Variants in OSBP2 observed in about 807,000 individuals in gnomAD.
OSBP2 encodes the protein oxysterol-binding protein 2.
In OSBP2, 66 loss-of-function variants were observed where a neutral mutation model predicts 96.0. The observed-to-expected ratio is 0.69, with a 90% confidence interval of 0.56 to 0.84. The LOEUF is 0.84. Among genes scored for constraint, OSBP2 ranks in the 40% least tolerant of loss-of-function variants. The pLI is 0.00. For missense variants in OSBP2, 1,038 were observed against 1,222.7 expected, an observed-to-expected ratio of 0.85 and a Z score of 2.25; for synonymous variants, 525 against 520.9, an observed-to-expected ratio of 1.01 and a Z score of -0.11.
At chr22:30,821,153 T>C (rs2038262910) in intron 2 of OSBP2, among the ~76,000 whole-genome samples, 1 of 152,100 alleles carries the variant, frequency 6.6e-6, no homozygotes, top group South Asian at 2.1e-4. Flanking sequence ...AGATGAGACA[T>C]ACATAAGGCA....
intron 2 of OSBP2, among the ~76,000 whole-genome samples, chr22:30,833,070 T>G (rs2038561662): frequency 6.6e-6 from 1 of 152,204 alleles, no homozygotes; most frequent in Admixed American, 6.5e-5. Context: ...TTGAGAAGGA[T>G]TCAGTCACCC....
chr22:30,774,307 C>T (rs2090398959), intron 2 of OSBP2, among the ~76,000 whole-genome samples: 2 of 152,182 alleles, frequency 1.3e-5, no homozygotes, highest in African/African-American at 4.8e-5. Flanking sequence ...GAAAGCCTTG[C>T]CTAGGATCAC....
In OSBP2 at chr22:30,890,334, G is replaced by A. The variant is rs553615217; in HGVS notation, c.1624-394G>A. On this transcript the variant is annotated intron_variant, in intron 7 of 13. Coordinates refer to ENST00000332585, the MANE Select transcript of OSBP2 (RefSeq NM_030758.4). The surrounding 1 kb of genome is among the most constrained non-coding windows in gnomAD (Gnocchi z 4.4). ...CCTGTGCCGGGCCCCATCACAGCTC[G>A]CAACATGGGGAAGACCCACTTCCTC... 6.6e-6 allele frequency among the ~76,000 whole-genome samples: 1 copy of A among 151,738 alleles called. No homozygotes were observed. Among genetic ancestry groups the A allele is most frequent in the Non-Finnish European group, 1.5e-5 (1 of 67,992 alleles).
At chr22:30,855,332 C>G (rs2039059027) in intron 2 of OSBP2, among the ~76,000 whole-genome samples, 1 of 152,176 alleles carries the variant, frequency 6.6e-6, no homozygotes, top group Admixed American at 6.5e-5. Context: ...TTCTCAATCC[C>G]AGAGCCAAAG....
rs923756485 is a variant in OSBP2, at chr22:30,870,086, C to A, written c.854-343C>A. ...ACCTCTCCACCCAGCAGAGCCCATC[C>A]TTCCCTGCACACCACAATGTAGGGA... On this transcript the variant is annotated intron_variant, in intron 2 of 13. Transcript: ENST00000332585. This position sits in a 1 kb window ranked among gnomAD's most constrained non-coding sequence, Gnocchi z 4.1. Among the ~76,000 whole-genome samples the A allele has an allele frequency of 2.6e-5, 4 of 152,220 alleles. No homozygotes were observed. The highest frequency in any genetic ancestry group is 4.8e-5 in the African/African-American group (2 of 41,470).
At chr22:30,818,318 A>G (rs145107291) in intron 2 of OSBP2, among the ~76,000 whole-genome samples, 153 of 151,912 alleles carry the variant, frequency 1.0e-3, no homozygotes, top group African/African-American at 3.5e-3. Flanking sequence ...CCCTGACATT[A>G]TCACTTACAT....
intron 2 of OSBP2, among the ~76,000 whole-genome samples, chr22:30,795,882 T>C (rs1166196500): frequency 6.6e-6 from 1 of 152,270 alleles, no homozygotes; most frequent in African/African-American, 2.4e-5. Context: ...ATTATTTGTA[T>C]AGATTTCCAA....
At chr22:30,796,946 T>C (rs924437129) in intron 2 of OSBP2, among the ~76,000 whole-genome samples, 1 of 152,216 alleles carries the variant, frequency 6.6e-6, no homozygotes, top group Non-Finnish European at 1.5e-5. Flanking sequence ...CCTATCCATC[T>C]CCTGAACTCC....
At chr22:30,865,760 G>T (rs531727273) in intron 2 of OSBP2, among the ~76,000 whole-genome samples, 3 of 152,080 alleles carry the variant, frequency 2.0e-5, no homozygotes. Flanking sequence ...GCCACACACC[G>T]GGTGGTTACC....
At chr22:30,780,176 G>C (rs887656505) in intron 2 of OSBP2, among the ~76,000 whole-genome samples, 11 of 152,240 alleles carry the variant, frequency 7.2e-5, no homozygotes, top group Admixed American at 7.2e-4. Flanking sequence ...CTGTTATTCA[G>C]CATTATTTGA....
At chr22:30,734,447 T>C (rs1569102414) in intron 1 of OSBP2, among the ~76,000 whole-genome samples, 1 of 152,214 alleles carries the variant, frequency 6.6e-6, no homozygotes, top group African/African-American at 2.4e-5. Context: ...CCCAGGTCTA[T>C]AGTGTACTGT....
intron 1 of OSBP2, among the ~76,000 whole-genome samples, chr22:30,700,902 A>G (rs909193960): frequency 2.0e-5 from 3 of 151,778 alleles, no homozygotes; most frequent in African/African-American, 7.3e-5. Context: ...CTTGACTAAC[A>G]TGGTGAAACC....
rs561905697 is a variant in OSBP2 at position 30,906,341 on chromosome 22, C to G, written c.*2C>G. 1.3e-6 allele frequency: 2 copies of G among 1,598,510 alleles called. No homozygotes were observed. Among genetic ancestry groups the G allele is most frequent in the Non-Finnish European group, 1.7e-6 (2 of 1,171,400 alleles). ...CATATGTGCCCCAACATCTTCTGAG[C>G]GCCACCCTTGCAACAAATACAGGCG... On this transcript the variant is annotated 3_prime_UTR_variant, in exon 14 of 14. Coordinates refer to ENST00000332585, the MANE Select transcript of OSBP2 (RefSeq NM_030758.4).
At chr22:30,728,146 C>T (rs1170980483) in intron 1 of OSBP2, among the ~76,000 whole-genome samples, 3 of 151,828 alleles carry the variant, frequency 2.0e-5, no homozygotes, top group East Asian at 1.9e-4. Context: ...CCTGTAATCC[C>T]AGCACTTTGG....
At chr22:30,800,237 A>G (rs2090830584) in intron 2 of OSBP2, among the ~76,000 whole-genome samples, 2 of 152,154 alleles carry the variant, frequency 1.3e-5, no homozygotes, top group Non-Finnish European at 2.9e-5. Context: ...GAAGGCAAGA[A>G]CTCATAGATT....
chr22:30,838,580 A>T (rs2038682110), intron 2 of OSBP2, among the ~76,000 whole-genome samples: 1 of 152,146 alleles, frequency 6.6e-6, no homozygotes, highest in South Asian at 2.1e-4. Context: ...TTTCACCATT[A>T]ACTACGATCT....
chr22:30,822,000 C>T lies in OSBP2; in HGVS notation c.854-48429C>T, dbSNP rs188788913. ...TGACCAGATGCCTGCAGGCCTGTGG[C>T]AGCAGAACTAAGGGAGCCCAGCTCC... On this transcript the variant is annotated intron_variant, in intron 2 of 13. Transcript: ENST00000332585. 2.1e-3 allele frequency among the ~76,000 whole-genome samples: 315 copies of T among 152,354 alleles called. 2 individuals are homozygous for T. The South Asian group carries it at 0.021, about 10-fold the overall frequency.
At chr22:30,829,600 G>C (rs1370211388) in intron 2 of OSBP2, among the ~76,000 whole-genome samples, 1 of 152,230 alleles carries the variant, frequency 6.6e-6, no homozygotes, top group Non-Finnish European at 1.5e-5. Context: ...GATTGCAGGC[G>C]TGAGCCACCA....
At chr22:30,760,166 C>CTT (rs78673894) in intron 2 of OSBP2, among the ~76,000 whole-genome samples, 65 of 138,106 alleles carry the variant, frequency 4.7e-4, no homozygotes, top group African/African-American at 9.6e-4. Flanking sequence ...CTGCACCCGG[C>CTT]TTTTTTTTTT....
Sources: allele counts gnomAD v4.1 joint callset (sites outside exome capture counted in the v4.1 genomes callset), GRCh38; gene constraint gnomAD v4.1.1; non-coding constraint Gnocchi (gnomAD v3.1); transcripts MANE v1.5; gene names NCBI Gene and HGNC (gene_info 2026-07-23, HGNC 2026-07-21).